NELL1: variants seen among roughly 807,000 people sequenced by gnomAD.
NELL1 encodes protein kinase C-binding protein NELL1.
Under a neutral mutation model 107.4 loss-of-function variants are expected in NELL1, and 76 were observed. The ratio of observed to expected loss-of-function variants is 0.71; its 90% CI spans 0.59 to 0.86. The LOEUF is 0.86. Among genes scored for constraint, NELL1 ranks in the 40% least tolerant of loss-of-function variants. NELL1 has a pLI of 0.00. For missense variants in NELL1, 1,024 were observed against 1,005.5 expected, an observed-to-expected ratio of 1.02 and a Z score of -0.25; for synonymous variants, 353 against 341.2, an observed-to-expected ratio of 1.03 and a Z score of -0.38.
intron 14 of NELL1, among the ~76,000 whole-genome samples, chr11:21,270,579 T>C (rs574489045): frequency 2.2e-4 from 34 of 152,190 alleles, no homozygotes; most frequent in Non-Finnish European, 3.7e-4. Context: ...TTCACTAATA[T>C]AGTTTGACAA....
intron 5 of NELL1, 116 bp downstream of exon 5, chr11:20,885,656 C>A: frequency 1.5e-6 from 1 of 670,246 alleles, no homozygotes; most frequent in Non-Finnish European, 2.7e-6. Flanking sequence ...GGCATAATAG[C>A]TACTAATGTT....
chr11:21,426,898 T>C (rs1852836117), intron 15 of NELL1, among the ~76,000 whole-genome samples: 1 of 151,844 alleles, frequency 6.6e-6, no homozygotes, highest in African/African-American at 2.4e-5. Context: ...TGGCATGGGG[T>C]GAATAATATG....
At chr11:21,181,288 T>C (rs1856821849) in intron 13 of NELL1, among the ~76,000 whole-genome samples, 1 of 151,894 alleles carries the variant, frequency 6.6e-6, no homozygotes. Context: ...CCACTACTCA[T>C]GGTGAAAACC....
chr11:21,317,388 G>T, intron 14 of NELL1, among the ~76,000 whole-genome samples: 1 of 1,170 alleles, frequency 8.5e-4, no homozygotes, highest in South Asian at 0.019. Flanking sequence ...TTTTCCTTAG[G>T]ATATATTCAT....
At chr11:21,146,336 G>A (rs1216820386) in intron 13 of NELL1, among the ~76,000 whole-genome samples, 2 of 152,138 alleles carry the variant, frequency 1.3e-5, no homozygotes, top group Non-Finnish European at 2.9e-5. Context: ...AGAAGGATGA[G>A]ATAAACAGTG....
intron 4 of NELL1, among the ~76,000 whole-genome samples, chr11:20,877,360 A>G (rs1027766713): frequency 2.0e-5 from 3 of 152,198 alleles, no homozygotes; most frequent in African/African-American, 7.2e-5. Context: ...GTCAATTCAC[A>G]TGATTTACAC....
At chr11:21,539,289 A>G (rs915172238) in intron 16 of NELL1, among the ~76,000 whole-genome samples, 1 of 152,008 alleles carries the variant, frequency 6.6e-6, no homozygotes, top group Admixed American at 6.6e-5. Flanking sequence ...TGAAACTCCT[A>G]AAGCCCAAGT....
At chr11:20,787,328 A>T (rs1337128048) in intron 3 of NELL1, among the ~76,000 whole-genome samples, 1 of 152,088 alleles carries the variant, frequency 6.6e-6, no homozygotes, top group Non-Finnish European at 1.5e-5. Flanking sequence ...GAAAATAGAG[A>T]AGAATATATA....
intron 14 of NELL1, among the ~76,000 whole-genome samples, chr11:21,345,552 G>T (rs1850665376): frequency 6.6e-6 from 1 of 152,158 alleles, no homozygotes; most frequent in Non-Finnish European, 1.5e-5. Flanking sequence ...AGGGAAAGAT[G>T]CTGGGACATG....
At chr11:20,800,419 G>T (rs1336184888) in intron 3 of NELL1, among the ~76,000 whole-genome samples, 1 of 151,940 alleles carries the variant, frequency 6.6e-6, no homozygotes, top group African/African-American at 2.4e-5. Flanking sequence ...ATTTCATTGT[G>T]GTTTTGATTT....
chr11:21,319,128 AAT>A (rs1491510495), intron 14 of NELL1, among the ~76,000 whole-genome samples: 1 of 88,540 alleles, frequency 1.1e-5, no homozygotes, highest in Non-Finnish European at 2.6e-5. Flanking sequence ...ACATCTCAGC[AAT>A]ATGTGTGTGT....
At chr11:21,209,426 C>T (rs1442800143) in intron 13 of NELL1, among the ~76,000 whole-genome samples, 1 of 150,980 alleles carries the variant, frequency 6.6e-6, no homozygotes, top group Non-Finnish European at 1.5e-5. Flanking sequence ...ATGGCATATA[C>T]CTGGGATTTT....
intron 14 of NELL1, among the ~76,000 whole-genome samples, chr11:21,349,365 A>G (rs572500882): frequency 2.0e-5 from 3 of 152,234 alleles, no homozygotes; most frequent in Admixed American, 6.5e-5. Flanking sequence ...GCCTGAGTCT[A>G]TTTGGCAAGT....
At chr11:20,746,301 C>T (rs986175829) in intron 2 of NELL1, among the ~76,000 whole-genome samples, 3 of 152,144 alleles carry the variant, frequency 2.0e-5, no homozygotes, top group Non-Finnish European at 4.4e-5. Context: ...CCAAGTTTTT[C>T]AAGAACTCTA....
At chr11:21,170,921 A>T (rs550226723) in intron 13 of NELL1, among the ~76,000 whole-genome samples, 2 of 151,646 alleles carry the variant, frequency 1.3e-5, no homozygotes, top group African/African-American at 4.9e-5. Context: ...TCTGATCATT[A>T]TAAAATAGGT....
chr11:20,994,965 A>G (rs993175683), intron 12 of NELL1, among the ~76,000 whole-genome samples: 1 of 152,186 alleles, frequency 6.6e-6, no homozygotes, highest in African/African-American at 2.4e-5. Flanking sequence ...AGCCATTTTC[A>G]TATTTCCACC....
chr11:21,234,899 G>C (rs1444072859), intron 14 of NELL1, among the ~76,000 whole-genome samples: 1 of 152,126 alleles, frequency 6.6e-6, no homozygotes, highest in Non-Finnish European at 1.5e-5. Context: ...AGGCTCACAG[G>C]CAATATGAGA....
At position 21,245,066 on chromosome 11, in the gene NELL1, C is replaced by T. The variant is rs1004269980; in HGVS notation, c.1549+15612C>T. On this transcript the variant is annotated intron_variant, in intron 14 of 19. Transcript: ENST00000357134. ...AAGATCCTGCCATGCATCCTTCTTA[C>T]ATGTTACATTGAGGATGGAATTAGC... is the stretch of plus-strand genomic sequence containing the variant. Among the ~76,000 whole-genome samples the T allele has an allele frequency of 5.9e-5, 9 of 152,256 alleles. No homozygotes were observed. In the South Asian group the frequency reaches 1.7e-3, roughly 28 times the overall value.
At chr11:20,945,682 T>C (rs1210883179) in intron 10 of NELL1, among the ~76,000 whole-genome samples, 1 of 152,248 alleles carries the variant, frequency 6.6e-6, no homozygotes, top group African/African-American at 2.4e-5. Flanking sequence ...ATAGTAAGGT[T>C]ACTAACTTCC....
Sources: allele counts gnomAD v4.1 joint callset (sites outside exome capture counted in the v4.1 genomes callset), GRCh38; gene constraint gnomAD v4.1.1; transcripts MANE v1.5; gene names NCBI Gene and HGNC (gene_info 2026-07-23, HGNC 2026-07-21).